SGO2: variants seen among roughly 807,000 people sequenced by gnomAD.
The protein encoded by SGO2 is shugoshin-like 2.
In SGO2, 68 loss-of-function variants were observed where a neutral mutation model predicts 99.5. The observed-to-expected ratio is 0.68, with a 90% CI of 0.56 to 0.84. The LOEUF (loss-of-function observed/expected upper bound fraction) is 0.84. Among genes scored for constraint, SGO2 ranks in the 40% least tolerant of loss-of-function variants. SGO2 has a pLI of 0.00. For missense variants in SGO2, 1,350 were observed against 1,436.7 expected, an observed-to-expected ratio of 0.94 and a Z score of 0.97; for synonymous variants, 457 against 487.1, an observed-to-expected ratio of 0.94 and a Z score of 0.81.
intron 8 of SGO2, among the ~76,000 whole-genome samples, chr2:200,577,211 T>A (rs1402000891): frequency 6.6e-6 from 1 of 152,058 alleles, no homozygotes; most frequent in Non-Finnish European, 1.5e-5. Context: ...CTATGACTGA[T>A]TCTAGCCGTC....
In SGO2 at chr2:200,526,736, TAC is replaced by T. The variant is rs1468190162; in HGVS notation, c.-3+486_-3+487del. Among the ~76,000 whole-genome samples, 1 of 152,138 alleles carries T rather than the reference TAC, an allele frequency of 6.6e-6. No homozygotes were observed. Among genetic ancestry groups the T allele is most frequent in the East Asian group, 1.9e-4 (1 of 5,184 alleles). On this transcript the variant is annotated intron_variant, in intron 1 of 8. Coordinates refer to ENST00000357799, the MANE Select transcript of SGO2 (RefSeq NM_152524.6). This position sits in a 1 kb window ranked among gnomAD's most constrained non-coding sequence, Gnocchi z 4.8. ...AACTTAGAACTTGAGCTGCTTGATG[TAC>T]AGGTAGGATTTCAGTAGAGAATAGG...
chr2:200,569,728 T>C lies in SGO2; in HGVS notation c.539T>C (p.Ile180Thr). 3 of 1,613,042 alleles carry C rather than the reference T, an allele frequency of 1.9e-6. 1 individual carries two copies. The highest frequency in any genetic ancestry group is 2.2e-5 in the South Asian group (2 of 90,974). The change falls in exon 6 of 9, where the codon ATT becomes ACT. Residue 180 changes from isoleucine (I) to threonine (T), a missense_variant. Coordinates refer to ENST00000357799, the MANE Select transcript of SGO2 (RefSeq NM_152524.6). ...DKEKMQCDNN[I>T]KSKTLPDIPS... ...GAGAAAATGCAGTGTGACAACAATA[T>C]TAAATCAAAGACATTACCTGATATT...
chr2:200,544,694 TC>T (rs2032128595), intron 5 of SGO2, among the ~76,000 whole-genome samples: 1 of 111,180 alleles, frequency 9.0e-6, no homozygotes, highest in South Asian at 3.6e-4. Context: ...ACTTGGGAGA[TC>T]TATCTATCTA....
Position 200,572,322 on chromosome 2 carries a change from A to C in SGO2, c.1976A>C (p.Glu659Ala), listed in dbSNP as rs773041696. Residue 659 changes from glutamate (E) to alanine (A), a missense_variant, in exon 7 of 9, where the codon GAA (glutamate) becomes GCA (alanine). Glu to Ala is a moderately radical substitution (Grantham distance 107). Coordinates refer to ENST00000357799, the MANE Select transcript of SGO2 (RefSeq NM_152524.6). ...CAAGAGGATAAAGAACCTATCTCTG[A>C]AAACATAGAAGTTTCCAAAGAGCTT... ...KTQEDKEPIS[E>A]NIEVSKELQI... 1 of 1,608,434 alleles carries C rather than the reference A, an allele frequency of 6.2e-7. No individual in the cohort carries two copies.
At chr2:200,533,154 C>T (rs753948804) in intron 2 of SGO2, 46 bp downstream of exon 2, 3 of 1,498,798 alleles carry the variant, frequency 2.0e-6, no homozygotes, top group South Asian at 2.7e-5. Context: ...TAACTTTTCC[C>T]CAGAATTGTT....
Position 200,572,241 on chromosome 2 carries a change from A to T in SGO2, c.1895A>T (p.Asp632Val). 1 of 1,612,808 alleles carries T rather than the reference A, an allele frequency of 6.2e-7. No homozygotes were observed. The highest frequency in any genetic ancestry group is 2.2e-5 in the East Asian group (1 of 44,846). ...IISGMNHMYEDNDKDVVHGLK... is the reference protein window; with the variant it reads ...IISGMNHMYEVNDKDVVHGLK... ...TCTGGAATGAACCACATGTATGAGGATAATGATAAAGATGTGGTGCATGGC... is the reference window on the plus strand; with the variant it reads ...TCTGGAATGAACCACATGTATGAGGTTAATGATAAAGATGTGGTGCATGGC... The change falls in exon 7 of 9, where the codon GAT becomes GTT. Residue 632 changes from aspartate (D) to valine (V), a missense_variant. By Grantham distance (152) the Asp-to-Val change is radical. Transcript: ENST00000357799.
chr2:200,573,419 CAT>C lies in SGO2; in HGVS notation c.3076_3077del (p.Ile1026TyrfsTer2), dbSNP rs2033531382. Reference sequence around the variant, plus strand: ...TATCTCCTTAGAATCTGATTTAAAACATATTACTAGTGAAGCAGATTCTGATC... The same window carrying C: ...TATCTCCTTAGAATCTGATTTAAAACATTACTAGTGAAGCAGATTCTGATC... ...TSISLESDLK[H>X]ITSEADSDPG... On this transcript the variant is annotated frameshift_variant, in exon 7 of 9. Transcript: ENST00000357799. LOFTEE classifies it high-confidence loss of function. 1.9e-6 allele frequency: 3 copies of C among 1,606,638 alleles called. No homozygotes were observed.
At chr2:200,533,717 C>A (rs2106304498) in intron 2 of SGO2, among the ~76,000 whole-genome samples, 1 of 152,108 alleles carries the variant, frequency 6.6e-6, no homozygotes, top group East Asian at 1.9e-4. Flanking sequence ...TGTTCATACC[C>A]ATCTTAGCAG....
Position 200,572,954 on chromosome 2 carries a change from A to C in SGO2, c.2608A>C (p.Lys870Gln). 1 of 1,595,360 alleles carries C rather than the reference A, an allele frequency of 6.3e-7. No individual in the cohort carries two copies. The highest frequency in any genetic ancestry group is 8.5e-7 in the Non-Finnish European group (1 of 1,174,040). The change falls in exon 7 of 9, where the codon AAA (lysine) becomes CAA (glutamine). Residue 870 changes from lysine (K) to glutamine (Q), a missense_variant. Lys to Gln is a moderately conservative substitution (Grantham distance 53). Coordinates refer to ENST00000357799, the MANE Select transcript of SGO2 (RefSeq NM_152524.6). ...NEFQTVDLLIKDNGNLCDYDT... is the reference protein window; with the variant it reads ...NEFQTVDLLIQDNGNLCDYDT... ...ATTTCAAACAGTTGATCTTCTCATC[A>C]AAGATAATGGAAATTTATGTGATTA...
intron 7 of SGO2, 32 bp downstream of exon 7, chr2:200,574,009 T>C: frequency 6.8e-7 from 1 of 1,480,700 alleles, no homozygotes; most frequent in Non-Finnish European, 8.9e-7. Context: ...AATGATAAAG[T>C]TTTAGAAGTG....
Position 200,571,182 on chromosome 2 carries a change from C to A in SGO2, c.836C>A (p.Ser279Tyr). 1.2e-6 allele frequency: 2 copies of A among 1,613,684 alleles called. No homozygotes were observed. Among genetic ancestry groups the A allele is most frequent in the Non-Finnish European group, 1.7e-6 (2 of 1,179,668 alleles). Reference protein sequence around the residue: ...NVTERKKRGSSWESNNLSADT... With the variant: ...NVTERKKRGSYWESNNLSADT... ...ACTGAAAGGAAGAAGCGTGGGTCATCTTGGGAATCAAATAATCTTTCTGCA... is the reference window on the plus strand; with the variant it reads ...ACTGAAAGGAAGAAGCGTGGGTCATATTGGGAATCAAATAATCTTTCTGCA... The change falls in exon 7 of 9, where the codon TCT becomes TAT. Residue 279 changes from serine to tyrosine, a missense_variant. Ser to Tyr is a moderately radical substitution (Grantham distance 144). Coordinates refer to ENST00000357799, the MANE Select transcript of SGO2 (RefSeq NM_152524.6).
At chr2:200,541,562 C>T (rs923203280) in intron 4 of SGO2, among the ~76,000 whole-genome samples, 1 of 152,188 alleles carries the variant, frequency 6.6e-6, no homozygotes, top group Non-Finnish European at 1.5e-5. Flanking sequence ...CTAGGACCTG[C>T]AAGTATAATA....
chr2:200,575,405 G>T lies in SGO2; in HGVS notation c.3726G>T (p.Arg1242=), dbSNP rs2033619549. Residue 1242 remains arginine (R), a synonymous_variant, in exon 8 of 9, where the codon CGG becomes CGT. Coordinates refer to ENST00000357799, the MANE Select transcript of SGO2 (RefSeq NM_152524.6). ...AGTCAGAAGATCTATCTTCAGAACG[G>T]ACAAGCAGAAGAAGAAGGTGTACTC... is the stretch of plus-strand genomic sequence containing the variant. ...ENKSEDLSSE[R]TSRRRRCTPF... is the part of the protein sequence containing the mutation. 6.2e-7 allele frequency: 1 copy of T among 1,604,774 alleles called. No individual in the cohort carries two copies. The highest frequency in any genetic ancestry group is 1.1e-5 in the South Asian group (1 of 89,716).
intron 8 of SGO2, among the ~76,000 whole-genome samples, chr2:200,576,937 TTTG>T (rs1432130488): frequency 1.3e-5 from 2 of 152,044 alleles, no homozygotes; most frequent in Non-Finnish European, 2.9e-5. Flanking sequence ...TGTTCATCCA[TTTG>T]TTCTTTGATG....
intron 5 of SGO2, among the ~76,000 whole-genome samples, chr2:200,550,891 T>A (rs1168560435): frequency 6.6e-6 from 1 of 151,360 alleles, no homozygotes; most frequent in East Asian, 1.9e-4. Flanking sequence ...ATCAACAAAG[T>A]GAAGAGACAA....
At position 200,571,779 on chromosome 2, in the gene SGO2, G is replaced by A; in HGVS notation, c.1433G>A (p.Gly478Asp). 1 of 1,613,630 alleles carries A rather than the reference G, an allele frequency of 6.2e-7. No homozygotes were observed. Among genetic ancestry groups the A allele is most frequent in the South Asian group, 1.1e-5 (1 of 91,030 alleles). The part of the protein sequence containing the change: ...NELKKMTLQT[G>D]FEQGDRENVL... ...CTAAAGAAAATGACCCTTCAAACTG[G>A]CTTTGAACAAGGTGACAGAGAAAAT... The change falls in exon 7 of 9, where the codon GGC (glycine) becomes GAC (aspartate). Residue 478 changes from glycine (G) to aspartate (D), a missense_variant. Physicochemically the swap from Gly to Asp is moderately conservative, Grantham distance 94. Transcript: ENST00000357799.
intron 5 of SGO2, among the ~76,000 whole-genome samples, chr2:200,562,747 T>C (rs1424881291): frequency 1.3e-5 from 2 of 152,208 alleles, no homozygotes; most frequent in Non-Finnish European, 2.9e-5. Flanking sequence ...CAGTGGTTTG[T>C]AGTTCTCCTT....
intron 1 of SGO2, among the ~76,000 whole-genome samples, chr2:200,530,898 A>G (rs2031342507): frequency 6.6e-6 from 1 of 152,214 alleles, no homozygotes. Context: ...TTTATGAGAA[A>G]GTTGGAAACT....
At chr2:200,529,284 T>C (rs700633) in intron 1 of SGO2, among the ~76,000 whole-genome samples, 120,918 of 152,152 alleles carry the variant, frequency 0.79, 48,286 homozygotes, top group Non-Finnish European at 0.83. Context: ...CTGACAAGTT[T>C]TTAGTTTCTA....
Sources: allele counts gnomAD v4.1 joint callset (sites outside exome capture counted in the v4.1 genomes callset), GRCh38; gene constraint gnomAD v4.1.1; non-coding constraint Gnocchi (gnomAD v3.1); transcripts MANE v1.5; gene names NCBI Gene and HGNC (gene_info 2026-07-23, HGNC 2026-07-21).